The following PRMT8 variants were observed in gnomAD, a reference collection of about 807,000 sequenced individuals.
PRMT8 encodes the protein protein arginine N-methyltransferase 8.
A neutral mutation model predicts 47.1 loss-of-function variants in PRMT8; 7 were observed. The observed-to-expected ratio is 0.15, with a 90% CI of 0.08 to 0.28. The LOEUF (loss-of-function observed/expected upper bound fraction) is 0.28. Among genes scored for constraint, PRMT8 ranks in the 10% least tolerant of loss-of-function variants. PRMT8 has a pLI of 1.00. For synonymous variants in PRMT8, 188 were observed against 186.5 expected, an observed-to-expected ratio of 1.01 and a Z score of -0.07; for missense variants, 237 against 505.4, an observed-to-expected ratio of 0.47 and a Z score of 5.09.
intron 1 of PRMT8, among the ~76,000 whole-genome samples, chr12:3,419,996 G>A (rs1213951109): frequency 9.3e-6 from 1 of 107,980 alleles, no homozygotes; most frequent in African/African-American, 3.4e-5. Context: ...GGGGAGAGGG[G>A]AGAGGGGGAG....
In PRMT8 at chr12:3,583,302, A is replaced by G; in HGVS notation, c.979+94A>G. 1 of 1,392,864 alleles carries G rather than the reference A, an allele frequency of 7.2e-7. No individual in the cohort carries two copies. The highest frequency in any genetic ancestry group is 9.7e-7 in the Non-Finnish European group (1 of 1,030,950). 86.3% of individuals were successfully genotyped at this position (1,392,864 alleles called of 1,614,324 possible). A position where few individuals can be genotyped will look rare whatever the true frequency, so the allele number is the denominator to read the frequency against. On this transcript the variant is annotated intron_variant, in intron 8 of 9. Coordinates refer to ENST00000382622, the MANE Select transcript of PRMT8 (RefSeq NM_019854.5). The surrounding 1 kb of genome is among the most constrained non-coding windows in gnomAD (Gnocchi z 4.7). ...CAGAGCTGGCCTTGACTTGGGGAGAAGGGGCTGGGTGTTAGCTGGGTGACA... is the reference window on the plus strand; with the variant it reads ...CAGAGCTGGCCTTGACTTGGGGAGAGGGGGCTGGGTGTTAGCTGGGTGACA...
intron 1 of PRMT8, among the ~76,000 whole-genome samples, chr12:3,454,967 G>C (rs929000438): frequency 2.0e-5 from 3 of 152,152 alleles, no homozygotes; most frequent in Non-Finnish European, 2.9e-5. Flanking sequence ...ACCAAAGAAT[G>C]CAGTTTCTAC....
At chr12:3,525,302 C>T (rs969563439) in intron 1 of PRMT8, among the ~76,000 whole-genome samples, 7 of 152,076 alleles carry the variant, frequency 4.6e-5, no homozygotes, top group African/African-American at 1.7e-4. Flanking sequence ...TTGTGGGTGT[C>T]AGATAGCAGA....
chr12:3,421,171 C>A (rs999726720), intron 1 of PRMT8, among the ~76,000 whole-genome samples: 1 of 152,228 alleles, frequency 6.6e-6, no homozygotes, highest in African/African-American at 2.4e-5. Flanking sequence ...AGGCACATGT[C>A]CATTCCCATA....
chr12:3,442,863 T>C (rs1037026987), intron 1 of PRMT8, among the ~76,000 whole-genome samples: 6 of 152,130 alleles, frequency 3.9e-5, no homozygotes, highest in African/African-American at 1.4e-4. Flanking sequence ...TTCACTATGT[T>C]GGCCAGGCTG....
intron 1 of PRMT8, among the ~76,000 whole-genome samples, chr12:3,475,800 G>T (rs1440101754): frequency 6.6e-6 from 1 of 152,278 alleles, no homozygotes; most frequent in Admixed American, 6.5e-5. Flanking sequence ...GGGGAGGGAG[G>T]GGGAAGGCGG....
intron 4 of PRMT8, among the ~76,000 whole-genome samples, chr12:3,568,449 A>G (rs931398149): frequency 3.3e-5 from 5 of 152,228 alleles, no homozygotes; most frequent in Non-Finnish European, 7.3e-5. Context: ...TGGAAGGATG[A>G]CGTGATACCA....
At chr12:3,433,003 T>C (rs1193002289) in intron 1 of PRMT8, among the ~76,000 whole-genome samples, 2 of 152,208 alleles carry the variant, frequency 1.3e-5, no homozygotes, top group African/African-American at 4.8e-5. Context: ...TTACAGAGTA[T>C]GTAAATGGCT....
At chr12:3,491,004 G>C (rs1865385341), upstream of PRMT8, among the ~76,000 whole-genome samples, 1 of 152,122 alleles carries the variant, frequency 6.6e-6, no homozygotes, top group Non-Finnish European at 1.5e-5. Context: ...CCCCCCGCGC[G>C]GGCCTGGCCT....
intron 1 of PRMT8, among the ~76,000 whole-genome samples, chr12:3,397,584 G>A (rs1307940751): frequency 3.3e-5 from 5 of 151,876 alleles, no homozygotes; most frequent in African/African-American, 1.2e-4. Context: ...ATCTCCAGCT[G>A]CGTGCTGGGA....
intron 1 of PRMT8, among the ~76,000 whole-genome samples, chr12:3,481,758 A>G (rs1206955298): frequency 1.3e-5 from 2 of 152,108 alleles, no homozygotes; most frequent in Non-Finnish European, 2.9e-5. Flanking sequence ...GGCCCAGAAG[A>G]GGAACTTTGG....
At chr12:3,467,543 G>C (rs1865113860) in intron 1 of PRMT8, among the ~76,000 whole-genome samples, 1 of 152,092 alleles carries the variant, frequency 6.6e-6, no homozygotes, top group Non-Finnish European at 1.5e-5. Context: ...GAAACCCTTT[G>C]GTGAACCTCC....
At chr12:3,426,721 A>G (rs1193904662) in intron 1 of PRMT8, among the ~76,000 whole-genome samples, 1 of 152,252 alleles carries the variant, frequency 6.6e-6, no homozygotes, top group Admixed American at 6.5e-5. Flanking sequence ...AATAGATGAA[A>G]GAGAGTTAAA....
chr12:3,474,731 A>G (rs1361378687), intron 1 of PRMT8, among the ~76,000 whole-genome samples: 1 of 152,096 alleles, frequency 6.6e-6, no homozygotes, highest in East Asian at 1.9e-4. Context: ...GCTTGCCCCC[A>G]TAAGGCCTTC....
rs1367511725 is a variant in PRMT8 at position 3,552,732 on chromosome 12, A to C, written c.418-919A>C. On this transcript the variant is annotated intron_variant, in intron 3 of 9. Coordinates refer to ENST00000382622, the MANE Select transcript of PRMT8 (RefSeq NM_019854.5). This position sits in a 1 kb window ranked among gnomAD's most constrained non-coding sequence, Gnocchi z 4.5. ...CCTCACCCTTCCTCAAGGCGTGGCC[A>C]GAGGCGTCAGAAACTCCCTCAGTGC... 1 of 477,834 alleles carries C rather than the reference A, an allele frequency of 2.1e-6. No homozygotes were observed. The highest frequency in any genetic ancestry group is 4.2e-6 in the Non-Finnish European group (1 of 238,428). 29.6% of individuals were successfully genotyped at this position (477,834 alleles called of 1,614,324 possible). A position where few individuals can be genotyped will look rare whatever the true frequency, so the allele number is the denominator to read the frequency against.
chr12:3,578,640 G>C (rs974025575), intron 7 of PRMT8, among the ~76,000 whole-genome samples: 2 of 152,178 alleles, frequency 1.3e-5, no homozygotes, highest in African/African-American at 4.8e-5. Flanking sequence ...CAGGGTACTG[G>C]ACTGGAATAT....
rs1864407030 is a variant in PRMT8 at position 3,409,710 on chromosome 12, T to TGA, written c.48+28269_48+28270insAG. Among the ~76,000 whole-genome samples, 1 of 152,154 alleles carries TGA rather than the reference T, an allele frequency of 6.6e-6. No individual in the cohort carries two copies. The highest frequency in any genetic ancestry group is 2.4e-5 in the African/African-American group (1 of 41,434). ...GCCACATCAGCTCAGCCCTGGAAGATGCAGCTGCTCAGCTCATCCAAGGCA... is the reference window on the plus strand; with the variant it reads ...GCCACATCAGCTCAGCCCTGGAAGATGAGCAGCTGCTCAGCTCATCCAAGGCA... On this transcript the variant is annotated intron_variant, in intron 1 of 9. Transcript: ENST00000452611. This position sits in a 1 kb window ranked among gnomAD's most constrained non-coding sequence, Gnocchi z 4.4.
intron 1 of PRMT8, among the ~76,000 whole-genome samples, chr12:3,403,230 C>T (rs1864336069): frequency 6.6e-6 from 1 of 152,100 alleles, no homozygotes; most frequent in African/African-American, 2.4e-5. Flanking sequence ...GAAAACCAAA[C>T]ACTGCATGTT....
intron 4 of PRMT8, among the ~76,000 whole-genome samples, chr12:3,558,206 C>T (rs2137188572): frequency 6.6e-6 from 1 of 151,162 alleles, no homozygotes; most frequent in East Asian, 1.9e-4. Context: ...TCATCCTGCT[C>T]TGTCTCACAC....
Sources: allele counts gnomAD v4.1 joint callset (sites outside exome capture counted in the v4.1 genomes callset), GRCh38; gene constraint gnomAD v4.1.1; non-coding constraint Gnocchi (gnomAD v3.1); transcripts MANE v1.5; gene names NCBI Gene and HGNC (gene_info 2026-07-23, HGNC 2026-07-21).